The following ATP5PO variants were observed in gnomAD, a reference collection of about 807,000 sequenced individuals.
ATP5PO encodes the protein ATP synthase peripheral stalk subunit OSCP.
In ATP5PO, 14 loss-of-function variants were observed where a neutral mutation model predicts 26.2. That is an observed-to-expected ratio of 0.53 (90% CI 0.35 to 0.83). ATP5PO has a LOEUF of 0.83. ATP5PO is among the 40% of genes least tolerant of loss of function. The pLI is 0.01. For synonymous variants in ATP5PO, 106 were observed against 95.1 expected, an observed-to-expected ratio of 1.12 and a Z score of -0.67; for missense variants, 241 against 258.5, an observed-to-expected ratio of 0.93 and a Z score of 0.46.
At chr21:33,909,275 C>A in intron 3 of ATP5PO, 64 bp from the exon 4 acceptor site, 1 of 1,530,126 alleles carries the variant, frequency 6.5e-7, no homozygotes, top group Non-Finnish European at 8.9e-7. Context: ...GTGCCATGCA[C>A]ACACTTTCTT....
intron 5 of ATP5PO, 89 bp downstream of exon 5, chr21:33,907,252 T>G (rs1378816852): frequency 4.2e-6 from 5 of 1,182,922 alleles, no homozygotes; most frequent in Middle Eastern, 4.0e-4. Flanking sequence ...CCCAATTTCT[T>G]GATTTTACCC....
chr21:33,915,522 A>G (rs1251211768), intron 1 of ATP5PO: 1 of 690,990 alleles, frequency 1.4e-6, no homozygotes, highest in African/African-American at 1.9e-5. Flanking sequence ...AGGTTACGGC[A>G]CGCGCAGCCC....
At chr21:33,915,414 T>C (rs778694063) in intron 1 of ATP5PO, 63 of 441,518 alleles carry the variant, frequency 1.4e-4, no homozygotes, top group Non-Finnish European at 2.2e-4. Flanking sequence ...ATTTGGGGGC[T>C]AGTCCATGCC....
At chr21:33,908,251 G>A (rs1257511274) in intron 4 of ATP5PO, among the ~76,000 whole-genome samples, 2 of 147,784 alleles carry the variant, frequency 1.4e-5, no homozygotes, top group African/African-American at 5.0e-5. Flanking sequence ...TTTTTAAATA[G>A]ACTGCACTGA....
intron 5 of ATP5PO, among the ~76,000 whole-genome samples, chr21:33,906,020 A>G (rs937832508): frequency 6.6e-6 from 1 of 151,840 alleles, no homozygotes; most frequent in Non-Finnish European, 1.5e-5. Context: ...GTGAATGTCT[A>G]ATCTGTGCCA....
At chr21:33,912,000 T>C (rs1364311835) in intron 3 of ATP5PO, among the ~76,000 whole-genome samples, 2 of 152,176 alleles carry the variant, frequency 1.3e-5, no homozygotes, top group African/African-American at 2.4e-5. Context: ...TTAAATTCTC[T>C]TCTGAAATAG....
chr21:33,905,550 A>T (rs2148605332), intron 5 of ATP5PO, among the ~76,000 whole-genome samples: 1 of 152,324 alleles, frequency 6.6e-6, no homozygotes, highest in Non-Finnish European at 1.5e-5. Context: ...CAACAGTATC[A>T]ACATCAAAAG....
In ATP5PO at chr21:33,905,451, T is replaced by G. The variant is rs896151378; in HGVS notation, c.442-1430A>C. On this transcript the variant is annotated intron_variant, in intron 5 of 6. Coordinates refer to ENST00000290299, the MANE Select transcript of ATP5PO (RefSeq NM_001697.3). ...CAGCAGGTGAGGACCAGCCCCAATA[T>G]TTGAAACCAGTCTGTGTATTTCTAA... Among the ~76,000 whole-genome samples, 5 of 152,258 alleles carry G rather than the reference T, an allele frequency of 3.3e-5. No homozygotes were observed. The East Asian group carries it at 9.6e-4, about 29-fold the overall frequency.
intron 3 of ATP5PO, 31 bp from the exon 4 acceptor site, chr21:33,909,242 T>G (rs779169364): frequency 2.0e-5 from 32 of 1,601,546 alleles, no homozygotes; most frequent in Admixed American, 3.5e-5. Context: ...TTTCTTAAAT[T>G]TTTTAGAGCA....
rs148745197 is a variant in ATP5PO, at chr21:33,909,168, G to A, written c.242C>T (p.Pro81Leu). ...EPKVAASVLN[P>L]YVKRSIKVKS... The stretch of plus-strand genomic sequence containing the variant: ...CACTTTAATGGAACGCTTCACATAG[G>A]GATTCAAAACAGAAGCAGCCACTTT... Residue 81 changes from proline to leucine, a missense_variant, in exon 4 of 7, where the codon CCC becomes CTC. Transcript: ENST00000290299. The A allele has an allele frequency of 1.2e-4, 196 of 1,613,602 alleles. No individual in the cohort carries two copies. The highest frequency in any genetic ancestry group is 1.6e-4 in the Non-Finnish European group (189 of 1,179,724).
chr21:33,906,590 A>T, intron 5 of ATP5PO: 1 of 433,558 alleles, frequency 2.3e-6, no homozygotes, highest in Non-Finnish European at 4.6e-6. Context: ...AGTAGGGTTC[A>T]ATAAACGGTA....
chr21:33,906,829 A>C, intron 5 of ATP5PO: 3 of 451,928 alleles, frequency 6.6e-6, no homozygotes, highest in Non-Finnish European at 1.3e-5. Flanking sequence ...TCACTATAAA[A>C]AACACACAAA....
At chr21:33,905,918 G>GACAAAAAAAAAAAAAAAAAA (rs1987164117) in intron 5 of ATP5PO, among the ~76,000 whole-genome samples, 1 of 98,436 alleles carries the variant, frequency 1.0e-5, no homozygotes, top group Non-Finnish European at 1.9e-5. Flanking sequence ...TCTCAAAAAA[G>GACAAAAAAAAAAAAAAAAAA]AAAAAAAAAA....
chr21:33,914,163 T>TA (rs11372099), intron 2 of ATP5PO, among the ~76,000 whole-genome samples: 98,007 of 148,526 alleles, frequency 0.66, 32,111 homozygotes, highest in South Asian at 0.72. Context: ...TTTCTTTCAT[T>TA]AAAAAAAAAA....
intron 1 of ATP5PO, chr21:33,914,743 AC>A (rs1987292080): frequency 2.1e-6 from 1 of 482,538 alleles, no homozygotes; most frequent in African/African-American, 2.0e-5. Context: ...CTAGGAATGG[AC>A]CGAGGCTAGC....
chr21:33,910,423 C>T (rs1441704324), intron 3 of ATP5PO, among the ~76,000 whole-genome samples: 1 of 152,170 alleles, frequency 6.6e-6, no homozygotes, highest in African/African-American at 2.4e-5. Context: ...CTGCATCATC[C>T]AGAGGACAGT....
intron 3 of ATP5PO, among the ~76,000 whole-genome samples, chr21:33,910,278 C>G (rs1462033522): frequency 1.3e-5 from 2 of 152,174 alleles, no homozygotes; most frequent in Admixed American, 6.5e-5. Flanking sequence ...TGGTCAGATA[C>G]TATCATCCAA....
chr21:33,909,140 T>A lies in ATP5PO; in HGVS notation c.270A>T (p.Lys90Asn). 1 of 1,613,552 alleles carries A rather than the reference T, an allele frequency of 6.2e-7. No individual in the cohort carries two copies. The highest frequency in any genetic ancestry group is 1.3e-5 in the African/African-American group (1 of 75,032). The change falls in exon 4 of 7, where the codon AAA becomes AAT. Residue 90 changes from lysine to asparagine, a missense_variant. Transcript: ENST00000290299. Reference sequence around the variant, plus strand: ...CTTTTGCTGTGATGTCATTTAGGCTTTTCACTTTAATGGAACGCTTCACAT... The same window carrying A: ...CTTTTGCTGTGATGTCATTTAGGCTATTCACTTTAATGGAACGCTTCACAT... ...NPYVKRSIKV[K>N]SLNDITAKER...
intron 5 of ATP5PO, among the ~76,000 whole-genome samples, chr21:33,905,673 G>A (rs1469449175): frequency 1.3e-5 from 2 of 152,138 alleles, no homozygotes; most frequent in Non-Finnish European, 1.5e-5. Context: ...AGCACATTGG[G>A]AGGCCAAGGT....
Sources: allele counts gnomAD v4.1 joint callset (sites outside exome capture counted in the v4.1 genomes callset), GRCh38; gene constraint gnomAD v4.1.1; transcripts MANE v1.5; gene names NCBI Gene and HGNC (gene_info 2026-07-23, HGNC 2026-07-21).